Variants in SLIT1 observed in about 807,000 individuals in gnomAD.
SLIT1 encodes the protein slit homolog 1 protein.
In SLIT1, 66 loss-of-function variants were observed where a neutral mutation model predicts 186.1. The observed-to-expected ratio is 0.35, with a 90% CI of 0.29 to 0.44. The LOEUF (loss-of-function observed/expected upper bound fraction) is 0.44, where lower values mean the gene tolerates loss of function less well. Ranked by LOEUF, SLIT1 falls within the 20% of genes least tolerant of loss-of-function variation. SLIT1 has a pLI of 1.00. For synonymous variants in SLIT1, 761 were observed against 833.8 expected (o/e 0.91, Z 1.50); for missense variants, 1,638 against 2,037.4 (o/e 0.80, Z 3.77).
intron 21 of SLIT1, among the ~76,000 whole-genome samples, chr10:97,038,367 C>G (rs1033508969): frequency 1.3e-5 from 2 of 152,194 alleles, no homozygotes; most frequent in African/African-American, 4.8e-5. Context: ...TGTGCACCAC[C>G]ACCCATGCCC....
chr10:97,125,070 G>T (rs1276095314), intron 4 of SLIT1, among the ~76,000 whole-genome samples: 1 of 152,120 alleles, frequency 6.6e-6, no homozygotes, highest in East Asian at 1.9e-4. Context: ...TGTCAAGAAT[G>T]TTCAATACTG....
chr10:97,014,045 G>A lies in SLIT1; in HGVS notation c.3083C>T (p.Thr1028Ile), dbSNP rs372666493. The A allele has an allele frequency of 2.0e-5, 32 of 1,613,608 alleles. No individual in the cohort carries two copies. The highest frequency in any genetic ancestry group is 1.6e-4 in the Middle Eastern group (1 of 6,080). ...GVCVDGVGNY[T>I]CQCPLQYEGK... Reference sequence around the variant, plus strand: ...CTCATACTGCAGGGGGCACTGGCAGGTGTAGTTGCCCACACCATCCACACA... The same window carrying A: ...CTCATACTGCAGGGGGCACTGGCAGATGTAGTTGCCCACACCATCCACACA... Residue 1028 changes from threonine (T) to isoleucine (I), a missense_variant, in exon 29 of 37, where the codon ACC becomes ATC. By Grantham distance (89) the Thr-to-Ile change is moderately conservative (BLOSUM62 -1). Around this residue, in one of 3 missense-constraint regions of SLIT1, gnomAD observed 1,245 missense variants for 1,535.3 expected, o/e 0.81. Transcript: ENST00000266058.
chr10:97,073,525 C>G (rs1203199179), intron 4 of SLIT1, among the ~76,000 whole-genome samples: 2 of 152,182 alleles, frequency 1.3e-5, no homozygotes, highest in Non-Finnish European at 2.9e-5. Context: ...AGGGGCAGGA[C>G]AGTGACGAGG....
intron 30 of SLIT1, among the ~76,000 whole-genome samples, chr10:97,012,120 ACACACACACG>A (rs1283179202): frequency 6.9e-6 from 1 of 143,982 alleles, no homozygotes; most frequent in Non-Finnish European, 1.5e-5. Context: ...ACACACACAC[ACACACACACG>A]CACACATTCG....
At chr10:97,064,660 C>T in intron 6 of SLIT1, 145 bp downstream of exon 6, 2 of 643,084 alleles carry the variant, frequency 3.1e-6, no homozygotes. Context: ...CCATGAGTGC[C>T]TGTCCTCCCC....
Position 97,041,159 on chromosome 10 carries a change from G to A in SLIT1, c.2165-1039C>T, listed in dbSNP as rs78244591. On this transcript the variant is annotated intron_variant, in intron 20 of 36. Coordinates refer to ENST00000266058, the MANE Select transcript of SLIT1 (RefSeq NM_003061.3). ...CACATCCTTTCACCTCTAGGAAGCT[G>A]TTCTAGGGGAGAGTGGAATATATAC... 5.3e-4 allele frequency among the ~76,000 whole-genome samples: 80 copies of A among 152,334 alleles called. 1 individual carries two copies. The highest frequency in any genetic ancestry group is 5.0e-3 in the East Asian group (26 of 5,184).
At position 97,163,432 on chromosome 10, in the gene SLIT1, T is replaced by C; in HGVS notation, c.289A>G (p.Ile97Val). Reference protein sequence around the residue: ...LRVLQLMENQIGAVERGAFDD... With the variant: ...LRVLQLMENQVGAVERGAFDD... ...AAAGCACCACGTTCCACTGCTCCAA[T>C]CTGGTTCTCCATCAGCTGCCTGGGG... The change falls in exon 3 of 37, where the codon ATT becomes GTT. Residue 97 changes from isoleucine to valine, a missense_variant. Ile to Val is a conservative substitution (Grantham distance 29). Around this residue, in one of 3 missense-constraint regions of SLIT1, gnomAD observed 1,245 missense variants for 1,535.3 expected, o/e 0.81. Coordinates refer to ENST00000266058, the MANE Select transcript of SLIT1 (RefSeq NM_003061.3). The C allele has an allele frequency of 6.2e-7, 1 of 1,614,172 alleles. No homozygotes were observed. The highest frequency in any genetic ancestry group is 2.2e-5 in the East Asian group (1 of 44,870).
intron 10 of SLIT1, among the ~76,000 whole-genome samples, 199 bp downstream of exon 10, chr10:97,059,888 C>T (rs1411517508): frequency 6.6e-6 from 1 of 152,198 alleles, no homozygotes; most frequent in Middle Eastern, 3.2e-3. Context: ...GCTCAGCACT[C>T]CCTTCAGGCC....
At chr10:97,126,293 G>T (rs1041622920) in intron 4 of SLIT1, among the ~76,000 whole-genome samples, 4 of 152,202 alleles carry the variant, frequency 2.6e-5, no homozygotes, top group Non-Finnish European at 5.9e-5. Flanking sequence ...GGGACACGTG[G>T]GACATGGGTG....
At chr10:97,138,342 A>G (rs893131614) in intron 4 of SLIT1, among the ~76,000 whole-genome samples, 1 of 152,234 alleles carries the variant, frequency 6.6e-6, no homozygotes, top group Non-Finnish European at 1.5e-5. Context: ...CGCAATGTAC[A>G]GCTGACACCT....
intron 4 of SLIT1, among the ~76,000 whole-genome samples, chr10:97,076,986 C>T (rs1036954889): frequency 1.3e-5 from 2 of 152,130 alleles, no homozygotes; most frequent in Admixed American, 1.3e-4. Context: ...CAGGACGGAA[C>T]CGGGGGCCGT....
chr10:97,147,321 T>G (rs945343904), intron 4 of SLIT1, among the ~76,000 whole-genome samples: 2 of 152,196 alleles, frequency 1.3e-5, no homozygotes, highest in African/African-American at 4.8e-5. Flanking sequence ...ATTGGGGATG[T>G]TGAAAACATT....
rs182218171 is a variant in SLIT1 at position 97,045,068 on chromosome 10, C to G, written c.1854-1555G>C. Among the ~76,000 whole-genome samples the G allele has an allele frequency of 2.5e-4, 38 of 152,306 alleles. No individual in the cohort carries two copies. The East Asian group carries it at 6.7e-3, about 27-fold the overall frequency. ...AGTCTGCAACCCAGAAGAGGGCCCT[C>G]GCCAGAACCCATCCATGCTGGCACC... On this transcript the variant is annotated intron_variant, in intron 18 of 36. Transcript: ENST00000266058.
At chr10:97,060,011 C>A (rs1046624639) in intron 10 of SLIT1, 76 bp downstream of exon 10, 1 of 1,275,664 alleles carries the variant, frequency 7.8e-7, no homozygotes, top group Non-Finnish European at 1.1e-6. Flanking sequence ...TTAGGGCCTG[C>A]CCCAGGGCTG....
In SLIT1 at chr10:97,081,357, C is replaced by T. The variant is rs376620266; in HGVS notation, c.414-15271G>A. Among the ~76,000 whole-genome samples, 13 of 152,188 alleles carry T rather than the reference C, an allele frequency of 8.5e-5. No individual in the cohort carries two copies. In the East Asian group the frequency reaches 1.2e-3, roughly 14 times the overall value. On this transcript the variant is annotated intron_variant, in intron 4 of 36. Transcript: ENST00000266058. ...GCAGGACAGCTAATGTCAAGACTGA[C>T]GTCTGACTTGAAGTCATATCAGGAG...
chr10:97,014,899 C>G (rs1368529340), intron 28 of SLIT1, among the ~76,000 whole-genome samples: 1 of 151,150 alleles, frequency 6.6e-6, no homozygotes, highest in Non-Finnish European at 1.5e-5. Flanking sequence ...TGGAAGGGAA[C>G]CCCACAGCTA....
rs572883299 is a variant in SLIT1, at chr10:97,021,146, C to T, written c.2746+104G>A. ...GCCTTGTTCCTGTCCCCTGACCCCC[C>T]GCCCAGCGGTCACCACAGGGACGCA... On this transcript the variant is annotated intron_variant, in intron 26 of 36. Coordinates refer to ENST00000266058, the MANE Select transcript of SLIT1 (RefSeq NM_003061.3). This position sits in a 1 kb window ranked among gnomAD's most constrained non-coding sequence, Gnocchi z 4.5. 3,769 of 1,154,610 alleles carry T rather than the reference C, an allele frequency of 3.3e-3. 19 individuals carry two copies. The highest frequency in any genetic ancestry group is 3.1e-3 in the Non-Finnish European group (2,561 of 827,406). The allele number at this position is 1,154,610 out of a possible 1,614,324, so 71.5% of individuals were successfully genotyped here. A position where few individuals can be genotyped will look rare whatever the true frequency, so the allele number is the denominator to read the frequency against.
Position 97,049,059 on chromosome 10 carries a change from A to G in SLIT1, c.1361T>C (p.Leu454Pro). ...DCNLKWLADF[L>P]RTNPIETSGA... is the part of the protein sequence containing the mutation. The stretch of plus-strand genomic sequence containing the variant: ...ACTCGTCTCGATGGGATTGGTGCGC[A>G]GGAAGTCTGCCAGCCACTTGAGGTT... The change falls in exon 14 of 37, where the codon CTG becomes CCG. Residue 454 changes from leucine (L) to proline (P), a missense_variant. By Grantham distance (98) the Leu-to-Pro change is moderately conservative (BLOSUM62 -3). This residue lies in a region of SLIT1 where 1,245 missense variants were observed against 1,535.3 expected (regional missense o/e 0.81). Coordinates refer to ENST00000266058, the MANE Select transcript of SLIT1 (RefSeq NM_003061.3). The G allele has an allele frequency of 6.2e-7, 1 of 1,613,806 alleles. No homozygotes were observed. The highest frequency in any genetic ancestry group is 8.5e-7 in the Non-Finnish European group (1 of 1,180,032).
chr10:97,058,069 G>T lies in SLIT1; in HGVS notation c.1086-788C>A, dbSNP rs1310147805. 5 of 717,488 alleles carry T rather than the reference G, an allele frequency of 7.0e-6. No individual in the cohort carries two copies. In the South Asian group the frequency reaches 7.4e-5, roughly 11 times the overall value. The allele number at this position is 717,488 out of a possible 1,614,324, so 44.4% of individuals were successfully genotyped here. On this transcript the variant is annotated intron_variant, in intron 11 of 36. Coordinates refer to ENST00000266058, the MANE Select transcript of SLIT1 (RefSeq NM_003061.3). ...AGGCCCTGCAGTGGGAGCTGTGTGT[G>T]CCTGTCGTGTGTGGACAGGTGACGG...
Sources: allele counts gnomAD v4.1 joint callset (sites outside exome capture counted in the v4.1 genomes callset), GRCh38; gene constraint gnomAD v4.1.1; regional missense constraint gnomAD v4.1.1; non-coding constraint Gnocchi (gnomAD v3.1); transcripts MANE v1.5; gene names NCBI Gene and HGNC (gene_info 2026-07-23, HGNC 2026-07-21).